The following LGR4 variants were observed in gnomAD, a reference collection of about 807,000 sequenced individuals.
LGR4 encodes leucine rich repeat containing G protein-coupled receptor 4, also known as leucine-rich repeat-containing G protein-coupled receptor 4.
A neutral mutation model predicts 84.8 loss-of-function variants in LGR4; 44 were observed. That is an observed-to-expected ratio of 0.52 (90% CI 0.41 to 0.67). The LOEUF is 0.67. Ranked by LOEUF, LGR4 falls within the 30% of genes least tolerant of loss-of-function variation. LGR4 has a pLI of 0.00. For missense variants in LGR4, 1,032 were observed against 1,131.4 expected, an observed-to-expected ratio of 0.91 and a Z score of 1.26; for synonymous variants, 429 against 434.3, an observed-to-expected ratio of 0.99 and a Z score of 0.15.
At chr11:27,400,024 TTCGTCATCCTATTA>T (rs1179792652) in intron 2 of LGR4, among the ~76,000 whole-genome samples, 1 of 152,196 alleles carries the variant, frequency 6.6e-6, no homozygotes, top group Non-Finnish European at 1.5e-5. Flanking sequence ...ACTTCTCATT[TTCGTCATCCTATTA>T]TTATACAGGT....
intron 1 of LGR4, among the ~76,000 whole-genome samples, chr11:27,437,142 A>G (rs1008822246): frequency 2.6e-5 from 4 of 152,206 alleles, no homozygotes; most frequent in Non-Finnish European, 5.9e-5. Flanking sequence ...TTGGCCCAGA[A>G]TGCAAACTGC....
At chr11:27,385,034 T>C (rs1863160481) in intron 5 of LGR4, among the ~76,000 whole-genome samples, 1 of 152,218 alleles carries the variant, frequency 6.6e-6, no homozygotes, top group Admixed American at 6.5e-5. Context: ...CTCATGATTA[T>C]AACTGGTCAT....
intron 2 of LGR4, among the ~76,000 whole-genome samples, chr11:27,406,687 G>A (rs1185264310): frequency 2.6e-5 from 4 of 152,072 alleles, no homozygotes; most frequent in African/African-American, 4.8e-5. Context: ...TTCTGTATGT[G>A]CTTCCCAACA....
At chr11:27,440,649 T>A (rs1379552569) in intron 1 of LGR4, among the ~76,000 whole-genome samples, 2 of 151,338 alleles carry the variant, frequency 1.3e-5, no homozygotes, top group African/African-American at 4.8e-5. Flanking sequence ...GTAACTTTGT[T>A]CCCACAAAGA....
intron 9 of LGR4, 122 bp from the exon 10 acceptor site, chr11:27,380,461 T>A: frequency 1.3e-6 from 1 of 749,428 alleles, no homozygotes; most frequent in Non-Finnish European, 2.2e-6. Flanking sequence ...CTCTTGAATG[T>A]ACTTGAAAGT....
chr11:27,386,344 A>G (rs922352321), intron 4 of LGR4, among the ~76,000 whole-genome samples: 2 of 152,208 alleles, frequency 1.3e-5, no homozygotes, highest in Non-Finnish European at 2.9e-5. Flanking sequence ...CACAAAGACA[A>G]TCTGGTATTA....
chr11:27,399,472 T>C (rs1222152965), intron 2 of LGR4, among the ~76,000 whole-genome samples: 1 of 152,076 alleles, frequency 6.6e-6, no homozygotes, highest in Non-Finnish European at 1.5e-5. Context: ...TTTTATTAAA[T>C]GTAATTTGAA....
chr11:27,446,989 A>C, intron 1 of LGR4, among the ~76,000 whole-genome samples: 1 of 150,548 alleles, frequency 6.6e-6, no homozygotes, highest in Non-Finnish European at 1.5e-5. Context: ...GAATAATGAG[A>C]ACACTTGGAC....
intron 2 of LGR4, among the ~76,000 whole-genome samples, chr11:27,393,003 G>T (rs902133718): frequency 1.3e-5 from 2 of 152,176 alleles, no homozygotes; most frequent in African/African-American, 4.8e-5. Flanking sequence ...GAGGCAAAAA[G>T]TGTGAGTCAT....
chr11:27,464,777 T>C (rs1422347910), intron 1 of LGR4, among the ~76,000 whole-genome samples: 1 of 152,162 alleles, frequency 6.6e-6, no homozygotes, highest in Admixed American at 6.5e-5. Context: ...TGTAACTTGT[T>C]ATTTTTTCTG....
At chr11:27,413,155 C>T (rs1863743176) in intron 1 of LGR4, among the ~76,000 whole-genome samples, 1 of 152,050 alleles carries the variant, frequency 6.6e-6, no homozygotes, top group South Asian at 2.1e-4. Context: ...AGGGTGGCTT[C>T]CCAGTGCTCT....
rs761634295 is a variant in LGR4 at position 27,368,918 on chromosome 11, C to G, written c.1805G>C (p.Trp602Ser). 3.1e-6 allele frequency: 5 copies of G among 1,614,002 alleles called. No homozygotes were observed. Among genetic ancestry groups the G allele is most frequent in the East Asian group, 2.2e-5 (1 of 44,898 alleles). The change falls in exon 18 of 18, where the codon TGG becomes TCG. Residue 602 changes from tryptophan to serine, a missense_variant. Physicochemically the swap from Trp to Ser is radical, Grantham distance 177. Coordinates refer to ENST00000379214, the MANE Select transcript of LGR4 (RefSeq NM_018490.5). ...AATGCCAAATTCAGCGAATCTGCCCCAGGACACAGCATCAAGAAAAGTTAG... is the reference window on the plus strand; with the variant it reads ...AATGCCAAATTCAGCGAATCTGCCCGAGGACACAGCATCAAGAAAAGTTAG... ...GILTFLDAVS[W>S]GRFAEFGIWW...
At chr11:27,446,925 T>A (rs1864400562) in intron 1 of LGR4, among the ~76,000 whole-genome samples, 1 of 151,718 alleles carries the variant, frequency 6.6e-6, no homozygotes, top group Admixed American at 6.6e-5. Context: ...CTGAGCAAAC[T>A]ATCGCAAGGA....
intron 1 of LGR4, among the ~76,000 whole-genome samples, chr11:27,416,761 A>G (rs1863827638): frequency 6.6e-6 from 1 of 152,116 alleles, no homozygotes; most frequent in Middle Eastern, 3.2e-3. Flanking sequence ...ATAAACATGA[A>G]CTCCCAAATA....
At chr11:27,398,626 C>T (rs1459243554) in intron 2 of LGR4, among the ~76,000 whole-genome samples, 2 of 152,174 alleles carry the variant, frequency 1.3e-5, no homozygotes, top group Non-Finnish European at 2.9e-5. Context: ...GAGACTACAG[C>T]AACTGTGCAC....
intron 2 of LGR4, among the ~76,000 whole-genome samples, chr11:27,392,972 C>A (rs1863315126): frequency 2.0e-5 from 3 of 152,088 alleles, no homozygotes; most frequent in African/African-American, 7.2e-5. Flanking sequence ...TAACCAAGGG[C>A]AGCATATCCA....
Position 27,366,977 on chromosome 11 carries a change from C to G in LGR4, c.*890G>C, listed in dbSNP as rs549518104. Reference sequence around the variant, plus strand: ...TCCAAGCTATTGCTAGGTGACATCCCAGCAAATTGGAAAATATTAGTAGAG... The same window carrying G: ...TCCAAGCTATTGCTAGGTGACATCCGAGCAAATTGGAAAATATTAGTAGAG... On this transcript the variant is annotated 3_prime_UTR_variant, in exon 18 of 18. Coordinates refer to ENST00000379214, the MANE Select transcript of LGR4 (RefSeq NM_018490.5). 1.1e-4 allele frequency: 16 copies of G among 152,210 alleles called. No homozygotes were observed. The highest frequency in any genetic ancestry group is 3.3e-4 in the Admixed American group (5 of 15,294). 9.4% of individuals were successfully genotyped at this position (152,210 alleles called of 1,614,324 possible).
intron 1 of LGR4, among the ~76,000 whole-genome samples, chr11:27,455,026 T>C (rs1864547413): frequency 6.6e-6 from 1 of 152,204 alleles, no homozygotes; most frequent in Admixed American, 6.5e-5. Context: ...GCTCTTCCAC[T>C]TGCCTTCTCT....
intron 5 of LGR4, among the ~76,000 whole-genome samples, 183 bp downstream of exon 5, chr11:27,385,070 T>C (rs922069311): frequency 1.3e-5 from 2 of 152,206 alleles, no homozygotes; most frequent in African/African-American, 4.8e-5. Context: ...TCAACAATTA[T>C]CATCAGCTGG....
Sources: allele counts gnomAD v4.1 joint callset (sites outside exome capture counted in the v4.1 genomes callset), GRCh38; gene constraint gnomAD v4.1.1; transcripts MANE v1.5; gene names NCBI Gene and HGNC (gene_info 2026-07-23, HGNC 2026-07-21).